The following RORB variants were observed in gnomAD, a reference collection of about 807,000 sequenced individuals.
RORB encodes the protein RAR related orphan receptor B, also known as nuclear receptor ROR-beta.
Under a neutral mutation model 59.1 loss-of-function variants are expected in RORB, and 6 were observed. The observed-to-expected ratio is 0.10, with a 90% confidence interval of 0.06 to 0.20. The LOEUF (loss-of-function observed/expected upper bound fraction) is 0.20, where lower values mean the gene tolerates loss of function less well. Among genes scored for constraint, RORB ranks in the 10% least tolerant of loss-of-function variants. The probability of loss-of-function intolerance (pLI) is 1.00; values close to 1 mark genes in which losing one functional copy is unlikely to be tolerated. For synonymous variants in RORB, 215 were observed against 204.5 expected, an observed-to-expected ratio of 1.05 and a Z score of -0.44; for missense variants, 320 against 560.5, an observed-to-expected ratio of 0.57 and a Z score of 4.33.
At chr9:74,556,725 A>G (rs1822294863) in intron 1 of RORB, among the ~76,000 whole-genome samples, 1 of 152,158 alleles carries the variant, frequency 6.6e-6, no homozygotes, top group Non-Finnish European at 1.5e-5. Context: ...GTATTTACCT[A>G]TATGCTGTAG....
At chr9:74,614,669 G>T (rs1027600952) in intron 1 of RORB, among the ~76,000 whole-genome samples, 3 of 152,062 alleles carry the variant, frequency 2.0e-5, no homozygotes, top group African/African-American at 7.2e-5. Context: ...AGGTGGTAGG[G>T]GATGAGAAGA....
At chr9:74,532,116 G>T (rs565481253) in intron 1 of RORB, among the ~76,000 whole-genome samples, 4 of 152,062 alleles carry the variant, frequency 2.6e-5, no homozygotes, top group Non-Finnish European at 4.4e-5. Context: ...TCCTTGATCA[G>T]CTATGATCTG....
At chr9:74,683,716 C>T (rs180743000) in intron 9 of RORB, among the ~76,000 whole-genome samples, 1 of 152,302 alleles carries the variant, frequency 6.6e-6, no homozygotes, top group East Asian at 1.9e-4. Context: ...CATCCCAGGC[C>T]TGCCACAAGT....
In RORB at chr9:74,620,205, G is replaced by A. The variant is rs554320872; in HGVS notation, c.8-10077G>A. Reference sequence around the variant, plus strand: ...TTTTGGTTGGGAGGCTATTAATTACGGCCTCAATTTCAGAGCCTGTTATTG... The same window carrying A: ...TTTTGGTTGGGAGGCTATTAATTACAGCCTCAATTTCAGAGCCTGTTATTG... On this transcript the variant is annotated intron_variant, in intron 1 of 9. Coordinates refer to ENST00000376896, the MANE Select transcript of RORB (RefSeq NM_006914.4). Among the ~76,000 whole-genome samples, 6 of 152,118 alleles carry A rather than the reference G, an allele frequency of 3.9e-5. No individual in the cohort carries two copies. In the East Asian group the frequency reaches 7.7e-4, roughly 20 times the overall value.
intron 6 of RORB, among the ~76,000 whole-genome samples, chr9:74,665,001 G>A (rs1254854098): frequency 1.3e-5 from 2 of 152,190 alleles, no homozygotes; most frequent in African/African-American, 4.8e-5. Flanking sequence ...TGGTCCTGGA[G>A]ATGCAAGAGT....
intron 2 of RORB, among the ~76,000 whole-genome samples, chr9:74,632,647 G>A (rs1823638312): frequency 6.6e-6 from 1 of 152,048 alleles, no homozygotes; most frequent in African/African-American, 2.4e-5. Context: ...ATGTCAAATT[G>A]GTCTTAAATT....
At chr9:74,501,651 A>T (rs1825805110) in intron 1 of RORB, among the ~76,000 whole-genome samples, 1 of 152,190 alleles carries the variant, frequency 6.6e-6, no homozygotes, top group Non-Finnish European at 1.5e-5. Flanking sequence ...TAGCCATAAG[A>T]ATAAAAATAT....
chr9:74,636,387 C>G (rs1259616881), intron 3 of RORB, among the ~76,000 whole-genome samples: 2 of 152,148 alleles, frequency 1.3e-5, no homozygotes, highest in African/African-American at 2.4e-5. Context: ...AAGAGCAGGT[C>G]TAAGTCTGTG....
intron 1 of RORB, among the ~76,000 whole-genome samples, chr9:74,534,290 A>G (rs1026504872): frequency 7.9e-5 from 12 of 152,002 alleles, no homozygotes; most frequent in Non-Finnish European, 2.9e-5. Flanking sequence ...GTTAACTATG[A>G]TTGATAATGG....
chr9:74,524,587 C>T (rs1826129747), intron 1 of RORB, among the ~76,000 whole-genome samples: 1 of 151,912 alleles, frequency 6.6e-6, no homozygotes, highest in African/African-American at 2.4e-5. Flanking sequence ...AAATACCTAT[C>T]CTATTGTTTG....
chr9:74,640,108 G>A (rs1823773230), intron 3 of RORB, among the ~76,000 whole-genome samples: 1 of 152,162 alleles, frequency 6.6e-6, no homozygotes, highest in Non-Finnish European at 1.5e-5. Flanking sequence ...ATGGAAAGGG[G>A]AGTTTAGTCT....
rs192816023 is a variant in RORB, at chr9:74,686,860, C to T, written c.*1242C>T. On this transcript the variant is annotated 3_prime_UTR_variant, in exon 10 of 10. Transcript: ENST00000376896. ...AAAATGCTATAATATAAAAATGTAG[C>T]AAAAACTTGACAGACTAGAAAAAAA... 14 of 152,304 alleles carry T rather than the reference C, an allele frequency of 9.2e-5. No individual in the cohort carries two copies. The highest frequency in any genetic ancestry group is 9.2e-4 in the Admixed American group (14 of 15,276). 9.4% of individuals were successfully genotyped at this position (152,304 alleles called of 1,614,324 possible).
intron 4 of RORB, among the ~76,000 whole-genome samples, chr9:74,659,923 G>A (rs11144046): frequency 2.0e-5 from 3 of 151,830 alleles, no homozygotes; most frequent in Admixed American, 1.3e-4. Context: ...AAAGAAAAAG[G>A]TTATTATATA....
chr9:74,546,797 A>C (rs1441619849), intron 1 of RORB, among the ~76,000 whole-genome samples: 1 of 152,204 alleles, frequency 6.6e-6, no homozygotes, highest in Non-Finnish European at 1.5e-5. Flanking sequence ...CTTGTGAGTG[A>C]GTTTAGAGGT....
At chr9:74,529,361 A>G (rs886480933) in intron 1 of RORB, among the ~76,000 whole-genome samples, 1 of 151,824 alleles carries the variant, frequency 6.6e-6, no homozygotes, top group Non-Finnish European at 1.5e-5. Flanking sequence ...GCTAGAAAAA[A>G]AAAAGTAACA....
chr9:74,548,666 G>A (rs1826541194), intron 1 of RORB, among the ~76,000 whole-genome samples: 1 of 152,192 alleles, frequency 6.6e-6, no homozygotes, highest in South Asian at 2.1e-4. Flanking sequence ...TACCCTGAGA[G>A]CAGTGTGAAC....
chr9:74,608,331 C>G (rs1250619819), intron 1 of RORB, among the ~76,000 whole-genome samples: 1 of 151,868 alleles, frequency 6.6e-6, no homozygotes, highest in African/African-American at 2.4e-5. Context: ...TTTGGGAGGC[C>G]GAGGCGGGCG....
chr9:74,604,623 C>A (rs1278548617), intron 1 of RORB, among the ~76,000 whole-genome samples: 1 of 152,118 alleles, frequency 6.6e-6, no homozygotes, highest in African/African-American at 2.4e-5. Flanking sequence ...ATCTAGATCA[C>A]CCAATTATTA....
chr9:74,581,286 G>T (rs1822719237), intron 1 of RORB, among the ~76,000 whole-genome samples: 1 of 152,012 alleles, frequency 6.6e-6, no homozygotes, highest in Non-Finnish European at 1.5e-5. Context: ...GTGGTAAAAG[G>T]TTAGGAAAAG....
Sources: gnomAD v4.1 joint callset for allele counts (sites outside exome capture counted in the v4.1 genomes callset) on GRCh38, gnomAD v4.1.1 for gene constraint, MANE v1.5 for transcripts, NCBI Gene and HGNC (gene_info 2026-07-23, HGNC 2026-07-21) for gene names.